Variants in ROBO2 observed in about 807,000 individuals in gnomAD.
The protein encoded by ROBO2 is roundabout guidance receptor 2.
In ROBO2, 53 loss-of-function variants were observed where a neutral mutation model predicts 160.8. The observed-to-expected ratio is 0.33, with a 90% CI of 0.26 to 0.41. The LOEUF (loss-of-function observed/expected upper bound fraction) is 0.41, where lower values mean the gene tolerates loss of function less well. Among genes scored for constraint, ROBO2 ranks in the 10% least tolerant of loss-of-function variants. ROBO2 has a pLI of 1.00. For missense variants in ROBO2, 1,577 were observed against 1,722.4 expected, an observed-to-expected ratio of 0.92 and a Z score of 1.49; for synonymous variants, 664 against 611.7, an observed-to-expected ratio of 1.09 and a Z score of -1.26.
intron 2 of ROBO2, among the ~76,000 whole-genome samples, chr3:76,517,934 C>T (rs529583749): frequency 1.3e-5 from 2 of 152,138 alleles, no homozygotes; most frequent in East Asian, 3.9e-4. Context: ...ATAACTGTCA[C>T]TTTGGAAAGT....
chr3:75,966,877 A>G (rs1015894021), intron 2 of ROBO2, among the ~76,000 whole-genome samples: 3 of 151,666 alleles, frequency 2.0e-5, no homozygotes, highest in Non-Finnish European at 4.4e-5. Context: ...TTATCTGTAT[A>G]TCTACTTGAG....
At chr3:76,256,357 TACAC>T (rs746860395) in intron 2 of ROBO2, among the ~76,000 whole-genome samples, 1 of 106,618 alleles carries the variant, frequency 9.4e-6, no homozygotes, top group Non-Finnish European at 1.9e-5. Context: ...CTCTCTCACA[TACAC>T]ACACACACAC....
chr3:76,473,006 A>AT (rs138308291), intron 2 of ROBO2, among the ~76,000 whole-genome samples: 6,458 of 152,206 alleles, frequency 0.042, 420 homozygotes, highest in African/African-American at 0.14. Context: ...CAAAAATGCA[A>AT]TTTTTTTATG....
intron 2 of ROBO2, among the ~76,000 whole-genome samples, chr3:77,393,776 T>C (rs1393714282): frequency 6.6e-6 from 1 of 151,876 alleles, no homozygotes; most frequent in Non-Finnish European, 1.5e-5. Flanking sequence ...ATTCATATAC[T>C]AGCTGTTGAA....
chr3:77,074,436 TGA>T (rs755217182), intron 1 of ROBO2, among the ~76,000 whole-genome samples: 6 of 152,204 alleles, frequency 3.9e-5, no homozygotes, highest in Non-Finnish European at 8.8e-5. Flanking sequence ...AGTACATCCC[TGA>T]GAGGGTCTTT....
intron 2 of ROBO2, among the ~76,000 whole-genome samples, chr3:76,380,200 A>AAATACATTTAATGTATTTTAATACATT (rs1470611862): frequency 6.6e-6 from 1 of 152,162 alleles, no homozygotes; most frequent in African/African-American, 2.4e-5. Flanking sequence ...AGAGCCATTA[A>AAATACATTTAATGTATTTTAATACATT]AATACATTTA....
chr3:75,962,661 A>T (rs148730629), intron 2 of ROBO2, among the ~76,000 whole-genome samples: 2 of 151,812 alleles, frequency 1.3e-5, no homozygotes, highest in African/African-American at 4.8e-5. Flanking sequence ...AGTATATTTT[A>T]TGTTTCCTTC....
chr3:77,182,747 ACT>A (rs1404488639), intron 2 of ROBO2, among the ~76,000 whole-genome samples: 1 of 151,930 alleles, frequency 6.6e-6, no homozygotes, highest in Non-Finnish European at 1.5e-5. Context: ...CTCCATAGAG[ACT>A]CTGTGTTCCC....
upstream of ROBO2, among the ~76,000 whole-genome samples, chr3:77,038,364 T>C (rs1047395444): frequency 9.2e-5 from 14 of 152,164 alleles, no homozygotes; most frequent in Non-Finnish European, 1.9e-4. Context: ...CAAGACTATT[T>C]CATTACCGTA....
chr3:76,817,230 A>G (rs1319208499), intron 2 of ROBO2, among the ~76,000 whole-genome samples: 1 of 152,076 alleles, frequency 6.6e-6, no homozygotes, highest in Non-Finnish European at 1.5e-5. Flanking sequence ...TAAAACAATA[A>G]TAATTTGGAG....
intron 2 of ROBO2, among the ~76,000 whole-genome samples, chr3:76,659,370 G>GTATATAATTCCTATGTAATA (rs2091719931): frequency 2.0e-5 from 3 of 149,028 alleles, no homozygotes; most frequent in African/African-American, 7.3e-5. Flanking sequence ...CATATATTAT[G>GTATATAATTCCTATGTAATA]TATATAATTC....
chr3:76,475,475 T>C (rs1431833374), intron 2 of ROBO2, among the ~76,000 whole-genome samples: 7 of 151,996 alleles, frequency 4.6e-5, no homozygotes, highest in Non-Finnish European at 1.0e-4. Context: ...AAAACTTACA[T>C]TATCTGACTT....
intron 2 of ROBO2, among the ~76,000 whole-genome samples, chr3:75,952,257 A>G (rs1948568817): frequency 6.6e-6 from 1 of 151,978 alleles, no homozygotes. Context: ...GACTGATTCT[A>G]AAGAGCTCAT....
chr3:76,901,216 T>C (rs2075201374), intron 2 of ROBO2, among the ~76,000 whole-genome samples: 1 of 152,070 alleles, frequency 6.6e-6, no homozygotes, highest in Non-Finnish European at 1.5e-5. Flanking sequence ...ATTTATTTTA[T>C]CTATAGAATA....
At chr3:76,679,273 A>G (rs2092494284) in intron 2 of ROBO2, among the ~76,000 whole-genome samples, 1 of 152,160 alleles carries the variant, frequency 6.6e-6, no homozygotes. Context: ...GAAAAACTCA[A>G]ATTACCTGTG....
At chr3:76,331,521 C>T (rs941709518) in intron 2 of ROBO2, among the ~76,000 whole-genome samples, 1 of 151,608 alleles carries the variant, frequency 6.6e-6, no homozygotes, top group African/African-American at 2.4e-5. Flanking sequence ...TCCTTTATGC[C>T]TCTAGATTCC....
At chr3:77,273,186 C>G (rs536388962) in intron 2 of ROBO2, among the ~76,000 whole-genome samples, 3 of 152,072 alleles carry the variant, frequency 2.0e-5, no homozygotes, top group South Asian at 2.1e-4. Context: ...TATTTACTTT[C>G]CACGTATAAG....
At chr3:76,192,524 C>CCACACA (rs3039244) in intron 2 of ROBO2, among the ~76,000 whole-genome samples, 1,360 of 130,126 alleles carry the variant, frequency 0.01, 14 homozygotes, top group African/African-American at 0.023. Context: ...CAACACTCCA[C>CCACACA]CACACACACA....
intron 2 of ROBO2, among the ~76,000 whole-genome samples, chr3:77,104,712 A>G (rs1383669612): frequency 6.6e-6 from 1 of 152,126 alleles, no homozygotes; most frequent in Non-Finnish European, 1.5e-5. Flanking sequence ...ACTGTATCCA[A>G]CTCACCTCTC....
Sources: gnomAD v4.1 joint callset for allele counts (sites outside exome capture counted in the v4.1 genomes callset) on GRCh38, gnomAD v4.1.1 for gene constraint, MANE v1.5 for transcripts, NCBI Gene and HGNC (gene_info 2026-07-23, HGNC 2026-07-21) for gene names.